The following CFAP77 variants were observed in gnomAD, a reference collection of about 807,000 sequenced individuals.
CFAP77 encodes the protein cilia and flagella associated protein 77, also known as cilia- and flagella-associated protein 77.
CFAP77 carries 25 observed loss-of-function variants against 31.1 expected under a neutral mutation model. The observed-to-expected ratio is 0.80, with a 90% CI of 0.59 to 1.12. The LOEUF (loss-of-function observed/expected upper bound fraction) is 1.12, where lower values mean the gene tolerates loss of function less well. Ranked by LOEUF, CFAP77 falls within the 50% of genes most tolerant of loss-of-function variation. The probability of loss-of-function intolerance (pLI) is 0.00; values close to 1 mark genes in which losing one functional copy is unlikely to be tolerated. For missense variants in CFAP77, 377 were observed against 397.3 expected, an observed-to-expected ratio of 0.95 and a Z score of 0.44; for synonymous variants, 151 against 159.9, an observed-to-expected ratio of 0.94 and a Z score of 0.42.
intron 1 of CFAP77, among the ~76,000 whole-genome samples, chr9:132,475,591 G>T (rs144547915): frequency 1.3e-5 from 2 of 152,152 alleles, no homozygotes; most frequent in Non-Finnish European, 2.9e-5. Flanking sequence ...GAAGTGTCTC[G>T]GTTAGGAGCA....
rs1432877287 is a variant in CFAP77, at chr9:132,554,893, TATCTATCCATCC to T, written c.732+11853_732+11864del. Among the ~76,000 whole-genome samples the T allele has an allele frequency of 1.3e-5, 2 of 151,654 alleles. No homozygotes were observed. The highest frequency in any genetic ancestry group is 2.9e-5 in the Non-Finnish European group (2 of 67,934). ...CCATTCATTCATCTATCCAACCATC[TATCTATCCATCC>T]ATCTATGCATGCATGCATGCATCCA... On this transcript the variant is annotated intron_variant, in intron 5 of 5. Coordinates refer to ENST00000393216, the MANE Select transcript of CFAP77 (RefSeq NM_001282957.2). This position sits in a 1 kb window ranked among gnomAD's most constrained non-coding sequence, Gnocchi z 4.1.
At chr9:132,462,292 C>T (rs180786837) in intron 1 of CFAP77, among the ~76,000 whole-genome samples, 2 of 152,048 alleles carry the variant, frequency 1.3e-5, no homozygotes, top group South Asian at 2.1e-4. Context: ...TAAGTACGTG[C>T]AAGTGGTCCT....
intron 1 of CFAP77, among the ~76,000 whole-genome samples, chr9:132,473,828 C>G (rs546031026): frequency 1.3e-5 from 2 of 152,180 alleles, no homozygotes; most frequent in African/African-American, 2.4e-5. Context: ...GGATTACAGG[C>G]GTGCACCACC....
chr9:132,476,345 G>C (rs560050147), intron 1 of CFAP77, among the ~76,000 whole-genome samples: 2 of 152,096 alleles, frequency 1.3e-5, no homozygotes, highest in Non-Finnish European at 2.9e-5. Context: ...CCCTCCTCTT[G>C]TGGGGCTGGA....
At chr9:132,474,276 T>C (rs750286989) in intron 1 of CFAP77, among the ~76,000 whole-genome samples, 13 of 152,394 alleles carry the variant, frequency 8.5e-5, no homozygotes, top group Non-Finnish European at 1.9e-4. Flanking sequence ...TCCAAGCCTC[T>C]GTTCTGTTTG....
At chr9:132,488,735 G>C (rs1389807764) in intron 1 of CFAP77, among the ~76,000 whole-genome samples, 2 of 152,228 alleles carry the variant, frequency 1.3e-5, no homozygotes, top group Non-Finnish European at 2.9e-5. Flanking sequence ...CCGGGCGCTG[G>C]GGCTGCCAGC....
At chr9:132,543,404 G>A (rs1421155418) in intron 5 of CFAP77, among the ~76,000 whole-genome samples, 2 of 152,170 alleles carry the variant, frequency 1.3e-5, no homozygotes, top group South Asian at 2.1e-4. Flanking sequence ...CTGTAGAGGA[G>A]GCTGTCCACC....
At chr9:132,546,592 G>A (rs964369277) in intron 5 of CFAP77, among the ~76,000 whole-genome samples, 1 of 152,268 alleles carries the variant, frequency 6.6e-6, no homozygotes, top group African/African-American at 2.4e-5. Flanking sequence ...CCCTGCCAGA[G>A]GGGCTGCCGA....
At chr9:132,470,992 A>G (rs551133148) in intron 1 of CFAP77, among the ~76,000 whole-genome samples, 2 of 152,228 alleles carry the variant, frequency 1.3e-5, no homozygotes, top group African/African-American at 4.8e-5. Flanking sequence ...AATTTTTTTT[A>G]AATGATATTT....
intron 1 of CFAP77, among the ~76,000 whole-genome samples, chr9:132,445,092 G>A (rs1444797600): frequency 6.6e-6 from 1 of 151,220 alleles, no homozygotes; most frequent in East Asian, 1.9e-4. Flanking sequence ...TTCTGCCTCA[G>A]CCTCCCGAGT....
Position 132,545,664 on chromosome 9 carries a change from G to A in CFAP77, c.732+2617G>A, listed in dbSNP as rs1852718454. Among the ~76,000 whole-genome samples, 5 of 152,158 alleles carry A rather than the reference G, an allele frequency of 3.3e-5. No homozygotes were observed. The highest frequency in any genetic ancestry group is 2.6e-4 in the Admixed American group (4 of 15,276). ...AGACACACAGAGTGCTGCCGTTATGGGTGTCACACGCAGTCGCCTCCTTGT... is the reference window on the plus strand; with the variant it reads ...AGACACACAGAGTGCTGCCGTTATGAGTGTCACACGCAGTCGCCTCCTTGT... On this transcript the variant is annotated intron_variant, in intron 5 of 5. Coordinates refer to ENST00000393216, the MANE Select transcript of CFAP77 (RefSeq NM_001282957.2). This position sits in a 1 kb window ranked among gnomAD's most constrained non-coding sequence, Gnocchi z 4.6.
At chr9:132,454,828 T>G (rs1196405084) in intron 1 of CFAP77, among the ~76,000 whole-genome samples, 1 of 152,128 alleles carries the variant, frequency 6.6e-6, no homozygotes, top group Non-Finnish European at 1.5e-5. Context: ...GGTAGACATG[T>G]GGACCTCAGG....
chr9:132,458,542 G>T lies in CFAP77; in HGVS notation c.196-40153G>T, dbSNP rs115668859. The stretch of plus-strand genomic sequence containing the variant: ...TTATTCCTCTTCATAGGTCAGGTCC[G>T]CACAGGACAGAGTGAAATGGAGACA... On this transcript the variant is annotated intron_variant, in intron 1 of 5. Transcript: ENST00000393216. 8.5e-3 allele frequency among the ~76,000 whole-genome samples: 1,296 copies of T among 152,286 alleles called. 21 individuals carry two copies. Among genetic ancestry groups the T allele is most frequent in the African/African-American group, 0.029 (1,221 of 41,546 alleles).
At chr9:132,548,286 G>GGGGGGGGGGGGGGGGC (rs1564248910) in intron 5 of CFAP77, among the ~76,000 whole-genome samples, 4 of 128,892 alleles carry the variant, frequency 3.1e-5, no homozygotes, top group African/African-American at 8.8e-5. Flanking sequence ...GGGGGGTGGG[G>GGGGGGGGGGGGGGGGC]GGTGAAGCTG....
intron 1 of CFAP77, among the ~76,000 whole-genome samples, chr9:132,423,663 A>G (rs928118683): frequency 6.6e-5 from 10 of 152,228 alleles, no homozygotes; most frequent in African/African-American, 2.2e-4. Context: ...ACTTAGTGAC[A>G]TCAGTGGCCA....
rs1852867115 is a variant in CFAP77 at position 132,554,487 on chromosome 9, C to T, written c.732+11440C>T. Among the ~76,000 whole-genome samples the T allele has an allele frequency of 6.6e-6, 1 of 152,106 alleles. No homozygotes were observed. Among genetic ancestry groups the T allele is most frequent in the Admixed American group, 6.6e-5 (1 of 15,256 alleles). On this transcript the variant is annotated intron_variant, in intron 5 of 5. Transcript: ENST00000393216. This position sits in a 1 kb window ranked among gnomAD's most constrained non-coding sequence, Gnocchi z 4.1. ...AGTAGTTGGGACTACAGGTGCACAC[C>T]ACCATGCCCGGCTAATTTTTTTTAT...
chr9:132,430,591 G>A (rs747750170), intron 1 of CFAP77, among the ~76,000 whole-genome samples: 25 of 152,136 alleles, frequency 1.6e-4, no homozygotes, highest in Non-Finnish European at 3.5e-4. Flanking sequence ...TGTCCCAGTC[G>A]TTCCTACCAG....
intron 5 of CFAP77, among the ~76,000 whole-genome samples, chr9:132,570,264 T>C (rs1829940357): frequency 6.6e-6 from 1 of 152,248 alleles, no homozygotes; most frequent in East Asian, 1.9e-4. Context: ...CATGGTTTGA[T>C]TGATGGAGAT....
At chr9:132,525,769 C>G (rs1394667394) in intron 3 of CFAP77, among the ~76,000 whole-genome samples, 1 of 152,212 alleles carries the variant, frequency 6.6e-6, no homozygotes, top group Non-Finnish European at 1.5e-5. Flanking sequence ...CCCTCTATTT[C>G]CCAATGCCTG....
Sources: allele counts gnomAD v4.1 joint callset (sites outside exome capture counted in the v4.1 genomes callset), GRCh38; gene constraint gnomAD v4.1.1; non-coding constraint Gnocchi (gnomAD v3.1); transcripts MANE v1.5; gene names NCBI Gene and HGNC (gene_info 2026-07-23, HGNC 2026-07-21).